NR2F1-AS1: variants seen among roughly 807,000 people sequenced by gnomAD.
The protein encoded by NR2F1-AS1 is NR2F1 antisense RNA 1.
chr5:93,409,639 C>G (rs62369922), intron 4 of NR2F1-AS1: 1 of 152,118 alleles, frequency 6.6e-6, no homozygotes, highest in Non-Finnish European at 1.5e-5. Flanking sequence ...GGGAGTGGGG[C>G]GATTCAGCCT....
upstream of NR2F1-AS1, among the ~76,000 whole-genome samples, chr5:93,581,473 G>C (rs1420178839): frequency 6.6e-6 from 1 of 152,106 alleles, no homozygotes; most frequent in Non-Finnish European, 1.5e-5. Flanking sequence ...TGCTGTCTTC[G>C]TTTGGAGAAA....
chr5:93,557,840 G>C lies in NR2F1-AS1; in HGVS notation n.414-2845C>G, dbSNP rs6865340. On this transcript the variant is annotated intron_variant and non_coding_transcript_variant, in intron 2 of 5. Transcript: ENST00000660523. ...CAGTAGAGCTTCTTTCAAAACTGGAGTCAATCCCTTCAAACCCTGCTGTTG... is the reference window on the plus strand; with the variant it reads ...CAGTAGAGCTTCTTTCAAAACTGGACTCAATCCCTTCAAACCCTGCTGTTG... Among the ~76,000 whole-genome samples, 675 of 152,296 alleles carry C rather than the reference G, an allele frequency of 4.4e-3. 4 individuals carry two copies. The highest frequency in any genetic ancestry group is 0.016 in the African/African-American group (659 of 41,556).
At chr5:93,510,115 A>G (rs1241873677) in intron 4 of NR2F1-AS1, among the ~76,000 whole-genome samples, 1 of 152,158 alleles carries the variant, frequency 6.6e-6, no homozygotes, top group African/African-American at 2.4e-5. Flanking sequence ...CAGGTAAGTT[A>G]GAACGATTAA....
At chr5:93,476,821 T>C (rs1750495429) in intron 4 of NR2F1-AS1, among the ~76,000 whole-genome samples, 1 of 152,064 alleles carries the variant, frequency 6.6e-6, no homozygotes, top group Admixed American at 6.5e-5. Flanking sequence ...TAAACCACCT[T>C]TTTGAATTGG....
At chr5:93,559,536 G>A (rs753006352) in intron 2 of NR2F1-AS1, among the ~76,000 whole-genome samples, 36 of 152,232 alleles carry the variant, frequency 2.4e-4, no homozygotes, top group South Asian at 1.7e-3. Flanking sequence ...CCTAGCTTTT[G>A]GCCTGTGTTG....
At chr5:93,544,389 T>C (rs1031298408) in intron 4 of NR2F1-AS1, among the ~76,000 whole-genome samples, 2 of 152,136 alleles carry the variant, frequency 1.3e-5, no homozygotes, top group Non-Finnish European at 2.9e-5. Flanking sequence ...TGGATTCTAT[T>C]ATGCCATAGA....
At chr5:93,511,186 T>C (rs1751287719) in intron 4 of NR2F1-AS1, among the ~76,000 whole-genome samples, 2 of 152,142 alleles carry the variant, frequency 1.3e-5, no homozygotes, top group Admixed American at 6.5e-5. Flanking sequence ...GTAGACTCAG[T>C]AAAGTACATT....
At chr5:93,546,023 C>T (rs1752077096) in intron 4 of NR2F1-AS1, among the ~76,000 whole-genome samples, 2 of 152,140 alleles carry the variant, frequency 1.3e-5, no homozygotes, top group African/African-American at 4.8e-5. Flanking sequence ...CAGATTCGGA[C>T]AGACTGAGTT....
intron 1 of NR2F1-AS1, among the ~76,000 whole-genome samples, chr5:93,565,640 C>A (rs755831658): frequency 1.3e-5 from 2 of 151,750 alleles, no homozygotes; most frequent in Non-Finnish European, 2.9e-5. Flanking sequence ...GTATGAAATA[C>A]TTTCTAGTCT....
chr5:93,416,560 T>C (rs113956438), intron 4 of NR2F1-AS1, among the ~76,000 whole-genome samples: 1,680 of 152,316 alleles, frequency 0.011, 16 homozygotes, highest in Middle Eastern at 0.027. Flanking sequence ...TGTGGGAGTT[T>C]ATTACATGAA....
intron 4 of NR2F1-AS1, among the ~76,000 whole-genome samples, chr5:93,437,377 G>A (rs1223547469): frequency 6.6e-6 from 1 of 152,134 alleles, no homozygotes; most frequent in Non-Finnish European, 1.5e-5. Flanking sequence ...TTGGGTTAAA[G>A]TATATTATAA....
In NR2F1-AS1 at chr5:93,579,515, C is replaced by T. The variant is rs1372078743; in HGVS notation, n.313+952G>A. 6.6e-6 allele frequency among the ~76,000 whole-genome samples: 1 copy of T among 152,168 alleles called. No individual in the cohort carries two copies. The highest frequency in any genetic ancestry group is 1.5e-5 in the Non-Finnish European group (1 of 68,014). ...TCCCGGGCAGGCTCAGCTGTCATCCCGTCTCGCCTTGGCCCTCACCTACAG... is the reference window on the plus strand; with the variant it reads ...TCCCGGGCAGGCTCAGCTGTCATCCTGTCTCGCCTTGGCCCTCACCTACAG... On this transcript the variant is annotated intron_variant and non_coding_transcript_variant, in intron 1 of 5. Coordinates refer to ENST00000660523, the Ensembl canonical transcript of NR2F1-AS1. The surrounding 1 kb of genome is among the most constrained non-coding windows in gnomAD (Gnocchi z 5.1).
At chr5:93,498,659 T>C (rs1457833606) in intron 4 of NR2F1-AS1, among the ~76,000 whole-genome samples, 2 of 151,778 alleles carry the variant, frequency 1.3e-5, no homozygotes, top group Admixed American at 6.6e-5. Flanking sequence ...GCAGTTTCAA[T>C]GAAACATCTA....
chr5:93,424,125 C>G (rs1749146885), intron 4 of NR2F1-AS1, among the ~76,000 whole-genome samples: 1 of 152,032 alleles, frequency 6.6e-6, no homozygotes, highest in African/African-American at 2.4e-5. Flanking sequence ...AAAACAAAAG[C>G]TGAAGATCTC....
At chr5:93,425,710 C>T (rs1458161936) in intron 4 of NR2F1-AS1, among the ~76,000 whole-genome samples, 2 of 152,086 alleles carry the variant, frequency 1.3e-5, no homozygotes, top group Admixed American at 1.3e-4. Context: ...TATAGCATTC[C>T]CTGACACCTT....
intron 4 of NR2F1-AS1, chr5:93,438,610 T>C (rs895102732): frequency 6.6e-6 from 1 of 152,282 alleles, no homozygotes; most frequent in African/African-American, 2.4e-5. Context: ...CTATTCTCCA[T>C]ACTGCAGCTG....
intron 1 of NR2F1-AS1, among the ~76,000 whole-genome samples, chr5:93,578,509 A>G (rs912299131): frequency 6.6e-6 from 1 of 152,042 alleles, no homozygotes; most frequent in Non-Finnish European, 1.5e-5. Context: ...CAAGGCCCTT[A>G]CAGTTCCCAG....
At chr5:93,559,578 T>A (rs1203566759) in intron 2 of NR2F1-AS1, among the ~76,000 whole-genome samples, 2 of 152,236 alleles carry the variant, frequency 1.3e-5, no homozygotes, top group African/African-American at 4.8e-5. Flanking sequence ...CTAAGCTTAA[T>A]CATTTCTAGC....
intron 4 of NR2F1-AS1, among the ~76,000 whole-genome samples, chr5:93,532,626 G>C (rs1751758647): frequency 6.6e-6 from 1 of 152,218 alleles, no homozygotes; most frequent in African/African-American, 2.4e-5. Context: ...TCTTATGAGA[G>C]AATTCTTTGC....
Sources: gnomAD v4.1 joint callset for allele counts (sites outside exome capture counted in the v4.1 genomes callset) on GRCh38, gnomAD v4.1.1 for gene constraint, Gnocchi (gnomAD v3.1) non-coding constraint, MANE v1.5 for transcripts, NCBI Gene and HGNC (gene_info 2026-07-23, HGNC 2026-07-21) for gene names.